The following SDK1 variants were observed in gnomAD, a reference collection of about 807,000 sequenced individuals.
SDK1 encodes the protein protein sidekick-1.
Under a neutral mutation model 245.5 loss-of-function variants are expected in SDK1, and 157 were observed. That is an observed-to-expected ratio of 0.64 (90% CI 0.56 to 0.73). The LOEUF (loss-of-function observed/expected upper bound fraction) is 0.73. Ranked by LOEUF, SDK1 falls within the 30% of genes least tolerant of loss-of-function variation. The probability of loss-of-function intolerance (pLI) is 0.00; values close to 1 mark genes in which losing one functional copy is unlikely to be tolerated. For missense variants in SDK1, 3,583 were observed against 3,002.3 expected (o/e 1.19, Z -4.52); for synonymous variants, 1,647 against 1,278.5 (o/e 1.29, Z -6.15).
At chr7:3,492,338 G>C (rs55643551) in intron 1 of SDK1, among the ~76,000 whole-genome samples, 55,024 of 151,904 alleles carry the variant, frequency 0.36, 10,294 homozygotes, top group African/African-American at 0.45. Flanking sequence ...ACTAAAAATA[G>C]AAAAAATTAG....
intron 4 of SDK1, among the ~76,000 whole-genome samples, chr7:3,668,941 C>T (rs74434436): frequency 7.2e-5 from 11 of 152,162 alleles, no homozygotes; most frequent in East Asian, 1.9e-4. Context: ...CCCTGTGTGA[C>T]GTCATGGGAG....
At chr7:3,374,171 G>T (rs1405486162) in intron 1 of SDK1, among the ~76,000 whole-genome samples, 2 of 152,100 alleles carry the variant, frequency 1.3e-5, no homozygotes, top group Non-Finnish European at 2.9e-5. Flanking sequence ...AAGGACTGGG[G>T]AATTGGGGGA....
At chr7:3,584,410 T>G (rs559907934) in intron 1 of SDK1, among the ~76,000 whole-genome samples, 2 of 152,224 alleles carry the variant, frequency 1.3e-5, no homozygotes, top group South Asian at 4.2e-4. Context: ...TTATTCTGAT[T>G]GAGCTTTCAC....
intron 1 of SDK1, among the ~76,000 whole-genome samples, chr7:3,480,090 G>A (rs921456532): frequency 1.3e-5 from 2 of 152,140 alleles, no homozygotes; most frequent in African/African-American, 4.8e-5. Flanking sequence ...ATAGCAGAAG[G>A]AATTAAGCTT....
intron 1 of SDK1, among the ~76,000 whole-genome samples, chr7:3,387,661 C>T (rs1260144160): frequency 1.3e-5 from 2 of 152,120 alleles, no homozygotes; most frequent in Non-Finnish European, 2.9e-5. Flanking sequence ...GTGATGATTA[C>T]ACAACGATGT....
Position 3,810,487 on chromosome 7 carries a change from C to G in SDK1, c.714-10963C>G, listed in dbSNP as rs763200875. On this transcript the variant is annotated intron_variant, in intron 4 of 44. Coordinates refer to ENST00000404826, the MANE Select transcript of SDK1 (RefSeq NM_152744.4). ...ATTTGGCATAGCCATTTATTTGTAC[C>G]TAGTGCTGAAACAATTAGTTAAAAT... is the stretch of plus-strand genomic sequence containing the variant. Among the ~76,000 whole-genome samples, 97 of 152,080 alleles carry G rather than the reference C, an allele frequency of 6.4e-4. 2 individuals carry two copies. The highest frequency in any genetic ancestry group is 1.5e-4 in the Non-Finnish European group (10 of 68,016).
At chr7:4,053,235 C>G (rs1044688138) in intron 19 of SDK1, among the ~76,000 whole-genome samples, 1 of 152,090 alleles carries the variant, frequency 6.6e-6, no homozygotes, top group African/African-American at 2.4e-5. Flanking sequence ...CCGTGCTGCT[C>G]CCGTTTTTGG....
intron 17 of SDK1, among the ~76,000 whole-genome samples, chr7:4,020,634 CA>C (rs928674891): frequency 1.3e-5 from 2 of 152,128 alleles, no homozygotes; most frequent in African/African-American, 2.4e-5. Context: ...GTGAATGCAT[CA>C]GGGGGACAGT....
At chr7:4,232,209 A>G (rs1354519896) in intron 40 of SDK1, among the ~76,000 whole-genome samples, 11 of 151,684 alleles carry the variant, frequency 7.3e-5, no homozygotes, top group Admixed American at 4.6e-4. Context: ...TGTTATCACC[A>G]TTCTACAGAC....
intron 1 of SDK1, among the ~76,000 whole-genome samples, chr7:3,582,857 A>G (rs1780552394): frequency 6.6e-6 from 1 of 152,292 alleles, no homozygotes; most frequent in African/African-American, 2.4e-5. Flanking sequence ...TTTCCAACTC[A>G]GAGCGTGGCA....
At chr7:4,074,318 A>G (rs1330901759) in intron 20 of SDK1, among the ~76,000 whole-genome samples, 2 of 152,146 alleles carry the variant, frequency 1.3e-5, no homozygotes, top group Non-Finnish European at 2.9e-5. Flanking sequence ...TGCTGACCTA[A>G]GCTGATTCAA....
chr7:3,414,200 C>G (rs527897533), intron 1 of SDK1, among the ~76,000 whole-genome samples: 1 of 152,172 alleles, frequency 6.6e-6, no homozygotes, highest in South Asian at 2.1e-4. Flanking sequence ...CTTGAGCAAG[C>G]TAGGCATAGA....
At chr7:3,754,109 C>A (rs1377036320) in intron 4 of SDK1, among the ~76,000 whole-genome samples, 1 of 152,104 alleles carries the variant, frequency 6.6e-6, no homozygotes, top group African/African-American at 2.4e-5. Context: ...ACTCCAGGAG[C>A]CTTTGATGTT....
At chr7:3,416,511 A>G (rs1779370572) in intron 1 of SDK1, among the ~76,000 whole-genome samples, 2 of 150,796 alleles carry the variant, frequency 1.3e-5, no homozygotes, top group Admixed American at 1.3e-4. Flanking sequence ...AGGCCTGCAG[A>G]AAGGTGCCAG....
At chr7:3,401,231 A>G (rs537006547) in intron 1 of SDK1, among the ~76,000 whole-genome samples, 27 of 152,190 alleles carry the variant, frequency 1.8e-4, no homozygotes, top group Non-Finnish European at 3.4e-4. Flanking sequence ...GAATAATCAC[A>G]TGACAAGATT....
chr7:4,176,382 C>T (rs1057014660), intron 34 of SDK1, among the ~76,000 whole-genome samples: 11 of 152,040 alleles, frequency 7.2e-5, no homozygotes, highest in Admixed American at 3.9e-4. Flanking sequence ...TTGTACAGGC[C>T]GGTCTTGAAT....
chr7:3,433,009 C>T (rs1779911908), intron 1 of SDK1, among the ~76,000 whole-genome samples: 1 of 152,174 alleles, frequency 6.6e-6, no homozygotes, highest in Admixed American at 6.5e-5. Flanking sequence ...GTTGAGGTTT[C>T]TATCCAAGTT....
At chr7:3,510,583 A>G (rs1782547321) in intron 1 of SDK1, among the ~76,000 whole-genome samples, 1 of 152,212 alleles carries the variant, frequency 6.6e-6, no homozygotes, top group African/African-American at 2.4e-5. Flanking sequence ...GGTTACAGAA[A>G]GAATACAGGC....
intron 5 of SDK1, among the ~76,000 whole-genome samples, chr7:3,870,549 ATTTACC>A (rs1780931099): frequency 6.6e-6 from 1 of 151,248 alleles, no homozygotes; most frequent in African/African-American, 2.4e-5. Flanking sequence ...AGCAGGTACC[ATTTACC>A]TTTTTGTAAA....
Sources: allele counts gnomAD v4.1 joint callset (sites outside exome capture counted in the v4.1 genomes callset), GRCh38; gene constraint gnomAD v4.1.1; transcripts MANE v1.5; gene names NCBI Gene and HGNC (gene_info 2026-07-23, HGNC 2026-07-21).